Variants in CTNNBL1 observed in about 807,000 individuals in gnomAD.
CTNNBL1 encodes beta-catenin-like protein 1.
CTNNBL1 carries 31 observed loss-of-function variants against 72.7 expected under a neutral mutation model. The ratio of observed to expected loss-of-function variants is 0.43; its 90% CI spans 0.32 to 0.58. CTNNBL1 has a LOEUF of 0.58. CTNNBL1 is among the 20% of genes least tolerant of loss of function. CTNNBL1 has a pLI of 0.08. For missense variants in CTNNBL1, 534 were observed against 725.1 expected, an observed-to-expected ratio of 0.74 and a Z score of 3.03; for synonymous variants, 240 against 267.3, an observed-to-expected ratio of 0.90 and a Z score of 1.00.
chr20:37,709,981 A>G (rs1568745761), intron 1 of CTNNBL1, among the ~76,000 whole-genome samples: 1 of 152,182 alleles, frequency 6.6e-6, no homozygotes. Context: ...CAGAGAGGGA[A>G]ATAACTTTAG....
chr20:37,797,939 A>C (rs182816793), intron 10 of CTNNBL1, among the ~76,000 whole-genome samples: 33 of 152,314 alleles, frequency 2.2e-4, no homozygotes, highest in African/African-American at 7.7e-4. Flanking sequence ...TATCCAAGAA[A>C]AACATCCCCT....
Position 37,701,878 on chromosome 20 carries a change from C to T in CTNNBL1, c.30+7726C>T, listed in dbSNP as rs1028812924. Reference sequence around the variant, plus strand: ...GCTCATCTCAGCTGCAGATGTGTGGCGTAATACATCGTACGCTCATCTCAG... The same window carrying T: ...GCTCATCTCAGCTGCAGATGTGTGGTGTAATACATCGTACGCTCATCTCAG... On this transcript the variant is annotated intron_variant, in intron 1 of 15. Coordinates refer to ENST00000361383, the MANE Select transcript of CTNNBL1 (RefSeq NM_030877.5). 3.4e-5 allele frequency among the ~76,000 whole-genome samples: 5 copies of T among 145,910 alleles called. 1 individual carries two copies. Among genetic ancestry groups the T allele is most frequent in the Non-Finnish European group, 7.4e-5 (5 of 67,360 alleles).
At chr20:37,785,392 CTA>C (rs1317664552) in intron 10 of CTNNBL1, among the ~76,000 whole-genome samples, 1 of 152,214 alleles carries the variant, frequency 6.6e-6, no homozygotes, top group Non-Finnish European at 1.5e-5. Flanking sequence ...AGGCCAGTAA[CTA>C]TTTGATTTGC....
chr20:37,755,878 G>A (rs993203094), intron 4 of CTNNBL1, among the ~76,000 whole-genome samples: 34 of 152,058 alleles, frequency 2.2e-4, no homozygotes, highest in African/African-American at 8.0e-4. Flanking sequence ...TGCCACCCCC[G>A]TCCCTCATGC....
chr20:37,803,955 G>A (rs943578886), intron 11 of CTNNBL1, among the ~76,000 whole-genome samples: 3 of 152,014 alleles, frequency 2.0e-5, no homozygotes, highest in South Asian at 4.1e-4. Context: ...GAGAACTCCC[G>A]CCTCTCTCTT....
chr20:37,842,619 G>A (rs1024941932), intron 13 of CTNNBL1, among the ~76,000 whole-genome samples, 200 bp downstream of exon 13: 6 of 152,204 alleles, frequency 3.9e-5, no homozygotes, highest in Non-Finnish European at 7.3e-5. Flanking sequence ...AGAAGTATGT[G>A]TAGCGTCCAT....
At chr20:37,780,310 T>C (rs927704215) in intron 10 of CTNNBL1, among the ~76,000 whole-genome samples, 1 of 152,112 alleles carries the variant, frequency 6.6e-6, no homozygotes, top group Non-Finnish European at 1.5e-5. Context: ...TACTAACATA[T>C]AAAACTGCTA....
chr20:37,834,304 A>G (rs1239234552), intron 11 of CTNNBL1, among the ~76,000 whole-genome samples: 1 of 152,204 alleles, frequency 6.6e-6, no homozygotes, highest in Admixed American at 6.5e-5. Context: ...TTAATCAGCA[A>G]GATTAAAAGG....
chr20:37,713,218 A>G (rs543314650), intron 1 of CTNNBL1, among the ~76,000 whole-genome samples: 2 of 152,340 alleles, frequency 1.3e-5, no homozygotes, highest in South Asian at 2.1e-4. Context: ...TCTGGCTGAC[A>G]TGACTTGTGC....
chr20:37,704,710 CAA>C (rs761731368), intron 1 of CTNNBL1, among the ~76,000 whole-genome samples: 2 of 136,846 alleles, frequency 1.5e-5, no homozygotes, highest in Admixed American at 7.3e-5. Context: ...GATCCTGTCT[CAA>C]AAAAAAAAAA....
intron 10 of CTNNBL1, among the ~76,000 whole-genome samples, chr20:37,790,267 CT>C (rs2073712275): frequency 6.6e-6 from 1 of 152,190 alleles, no homozygotes; most frequent in Admixed American, 6.5e-5. Context: ...CTCTACTTTG[CT>C]TTTGTTCCTA....
intron 7 of CTNNBL1, among the ~76,000 whole-genome samples, chr20:37,776,869 AT>A (rs1366887358): frequency 1.3e-5 from 2 of 152,390 alleles, no homozygotes; most frequent in East Asian, 3.9e-4. Context: ...CATTAAAAAA[AT>A]CCAGAAGGAA....
chr20:37,753,027 A>T (rs6067506), intron 4 of CTNNBL1, among the ~76,000 whole-genome samples: 46,706 of 151,884 alleles, frequency 0.31, 7,262 homozygotes, highest in Admixed American at 0.33. Flanking sequence ...ATAGCCAACC[A>T]TGCTGAATTT....
intron 4 of CTNNBL1, among the ~76,000 whole-genome samples, chr20:37,754,205 A>G (rs1011380279): frequency 6.6e-6 from 1 of 152,288 alleles, no homozygotes; most frequent in East Asian, 1.9e-4. Context: ...TGTAATGATA[A>G]CACTACTTAT....
intron 13 of CTNNBL1, among the ~76,000 whole-genome samples, chr20:37,855,067 A>G (rs1034059523): frequency 6.6e-6 from 1 of 150,948 alleles, no homozygotes; most frequent in African/African-American, 2.4e-5. Context: ...TAATCAATCA[A>G]AAATAATATG....
chr20:37,856,704 C>T (rs112891760), intron 13 of CTNNBL1, among the ~76,000 whole-genome samples: 24 of 152,170 alleles, frequency 1.6e-4, no homozygotes, highest in African/African-American at 5.8e-4. Context: ...CCAAAAGTCA[C>T]TTCTTCCAGG....
At chr20:37,837,495 A>C (rs1027212609) in intron 11 of CTNNBL1, among the ~76,000 whole-genome samples, 1 of 152,192 alleles carries the variant, frequency 6.6e-6, no homozygotes, top group Non-Finnish European at 1.5e-5. Context: ...GATTCTACCA[A>C]TTAGAAATAT....
chr20:37,834,294 T>A (rs2122798962), intron 11 of CTNNBL1, among the ~76,000 whole-genome samples: 1 of 146,864 alleles, frequency 6.8e-6, no homozygotes, highest in Middle Eastern at 3.4e-3. Context: ...CTCATCCATC[T>A]TAATCAGCAA....
intron 15 of CTNNBL1, among the ~76,000 whole-genome samples, chr20:37,865,759 G>A (rs1251931520): frequency 6.6e-6 from 1 of 152,212 alleles, no homozygotes; most frequent in Non-Finnish European, 1.5e-5. Context: ...CCACACAGAT[G>A]CCCAGGAGCA....
Sources: allele counts gnomAD v4.1 joint callset (sites outside exome capture counted in the v4.1 genomes callset), GRCh38; gene constraint gnomAD v4.1.1; transcripts MANE v1.5; gene names NCBI Gene and HGNC (gene_info 2026-07-23, HGNC 2026-07-21).